Variants in PPM1B observed in about 807,000 individuals in gnomAD.
PPM1B encodes protein phosphatase, Mg2+/Mn2+ dependent 1B, also known as protein phosphatase 1B.
In PPM1B, 22 loss-of-function variants were observed where a neutral mutation model predicts 43.0. That is an observed-to-expected ratio of 0.51 (90% CI 0.37 to 0.73). The LOEUF is 0.73. PPM1B is among the 30% of genes least tolerant of loss of function. The pLI is 0.00. For missense variants in PPM1B, 632 were observed against 584.2 expected, an observed-to-expected ratio of 1.08 and a Z score of -0.84; for synonymous variants, 217 against 197.9, an observed-to-expected ratio of 1.10 and a Z score of -0.81.
At chr2:44,190,890 T>C (rs1484381653) in intron 1 of PPM1B, among the ~76,000 whole-genome samples, 1 of 152,240 alleles carries the variant, frequency 6.6e-6, no homozygotes, top group East Asian at 1.9e-4. Flanking sequence ...AAGATTTTAC[T>C]GAGACATGAA....
At chr2:44,193,338 A>G (rs1189769741) in intron 1 of PPM1B, among the ~76,000 whole-genome samples, 1 of 151,840 alleles carries the variant, frequency 6.6e-6, no homozygotes, top group Non-Finnish European at 1.5e-5. Flanking sequence ...TCACATATCT[A>G]TTGGCCATTT....
At chr2:44,243,600 C>T (rs768156090) in intron 5 of PPM1B, among the ~76,000 whole-genome samples, 1 of 152,098 alleles carries the variant, frequency 6.6e-6, no homozygotes, top group Non-Finnish European at 1.5e-5. Flanking sequence ...TCCCTTTATA[C>T]CAGCTGTTAC....
chr2:44,188,573 C>G (rs114071692), intron 1 of PPM1B, among the ~76,000 whole-genome samples: 3,059 of 151,694 alleles, frequency 0.02, 120 homozygotes, highest in African/African-American at 0.071. Context: ...ATTTTTTAAT[C>G]TTTCGTAGAG....
chr2:44,189,177 C>T (rs1418430050), intron 1 of PPM1B, among the ~76,000 whole-genome samples: 1 of 151,888 alleles, frequency 6.6e-6, no homozygotes, highest in Non-Finnish European at 1.5e-5. Flanking sequence ...CAGCCAGCTG[C>T]CTTTGTTTCT....
At position 44,190,078 on chromosome 2, in the gene PPM1B, T is replaced by A. The variant is rs1017316449; in HGVS notation, c.-14-11108T>A. 6.6e-5 allele frequency among the ~76,000 whole-genome samples: 10 copies of A among 152,212 alleles called. 1 individual carries two copies. The highest frequency in any genetic ancestry group is 3.3e-4 in the Admixed American group (5 of 15,266). ...AAGATTAAGCTACCATTGGGCATTG[T>A]GGACAGATCATTATTTGATACTAGT... On this transcript the variant is annotated intron_variant, in intron 1 of 5. Transcript: ENST00000282412.
intron 5 of PPM1B, among the ~76,000 whole-genome samples, chr2:44,229,382 G>C (rs1442169190): frequency 1.3e-5 from 2 of 151,884 alleles, no homozygotes; most frequent in Non-Finnish European, 2.9e-5. Flanking sequence ...TTGTTATTTT[G>C]AATCCCAGTC....
intron 1 of PPM1B, among the ~76,000 whole-genome samples, chr2:44,197,016 T>G (rs1466370689): frequency 6.6e-6 from 1 of 152,226 alleles, no homozygotes; most frequent in East Asian, 1.9e-4. Flanking sequence ...TTTTCATTTT[T>G]TAAATAAACT....
chr2:44,227,919 TTTC>T (rs1670291961), intron 5 of PPM1B, among the ~76,000 whole-genome samples: 1 of 111,590 alleles, frequency 9.0e-6, no homozygotes, highest in African/African-American at 2.9e-5. Context: ...TTCTTTTTCT[TTTC>T]TTTTTTTTTT....
chr2:44,204,654 C>T (rs937855753), intron 2 of PPM1B, among the ~76,000 whole-genome samples: 1 of 151,798 alleles, frequency 6.6e-6, no homozygotes, highest in Admixed American at 6.6e-5. Context: ...GTCAGGAGAT[C>T]GAGACCATCC....
intron 5 of PPM1B, among the ~76,000 whole-genome samples, chr2:44,241,855 A>ATTTTTTTT (rs1308907282): frequency 3.0e-5 from 1 of 32,840 alleles, no homozygotes. Flanking sequence ...TTAGAAAATA[A>ATTTTTTTT]TCTTTTTTTT....
At chr2:44,175,531 T>G (rs905570910) in intron 1 of PPM1B, among the ~76,000 whole-genome samples, 1 of 152,162 alleles carries the variant, frequency 6.6e-6, no homozygotes, top group African/African-American at 2.4e-5. Flanking sequence ...TCCTTGTCGT[T>G]GACGATCTTG....
intron 1 of PPM1B, among the ~76,000 whole-genome samples, chr2:44,169,950 T>C (rs900412125): frequency 6.6e-6 from 1 of 152,012 alleles, no homozygotes; most frequent in Non-Finnish European, 1.5e-5. Context: ...ATTAAGAGTA[T>C]AGACTGACTA....
chr2:44,186,851 AC>A (rs1232056221), intron 1 of PPM1B, among the ~76,000 whole-genome samples: 3 of 151,990 alleles, frequency 2.0e-5, no homozygotes, highest in Admixed American at 1.3e-4. Flanking sequence ...CTCTACTCTT[AC>A]CCCCAAAAGC....
chr2:44,170,637 A>G (rs1267420940), intron 1 of PPM1B, among the ~76,000 whole-genome samples: 2 of 152,176 alleles, frequency 1.3e-5, no homozygotes, highest in Non-Finnish European at 2.9e-5. Flanking sequence ...ATGTTATTTC[A>G]TTTACTTTCT....
exon 6 of PPM1B, chr2:44,244,351 G>C: frequency 5.9e-6 from 8 of 1,357,902 alleles, no homozygotes; most frequent in Non-Finnish European, 7.9e-6. Flanking sequence ...TTGTAAACCC[G>C]AACGAAAAAT....
chr2:44,170,092 T>C (rs566550060), intron 1 of PPM1B, among the ~76,000 whole-genome samples: 2 of 152,346 alleles, frequency 1.3e-5, no homozygotes, highest in South Asian at 4.1e-4. Flanking sequence ...GTGTTGGAAA[T>C]AGTTATTTCT....
intron 1 of PPM1B, among the ~76,000 whole-genome samples, chr2:44,185,441 A>T (rs955150336): frequency 2.6e-5 from 4 of 152,140 alleles, no homozygotes; most frequent in Non-Finnish European, 4.4e-5. Flanking sequence ...TTTTTTTCTC[A>T]GATTAAATTT....
chr2:44,180,126 G>C (rs919382597), intron 1 of PPM1B, among the ~76,000 whole-genome samples: 6 of 152,228 alleles, frequency 3.9e-5, no homozygotes, highest in Admixed American at 3.3e-4. Flanking sequence ...GCAATAATAG[G>C]GGTAGGAACA....
At position 44,201,820 on chromosome 2, in the gene PPM1B, C is replaced by T. The variant is rs144201644; in HGVS notation, c.621C>T (p.Tyr207=). ...CTCGTGCTCTGGGGGACTATGATTACAAGTGTGTTGATGGCAAGGGCCCAA... is the reference window on the plus strand; with the variant it reads ...CTCGTGCTCTGGGGGACTATGATTATAAGTGTGTTGATGGCAAGGGCCCAA... The part of the protein sequence containing the change: ...AVSRALGDYD[Y]KCVDGKGPTE... Residue 207 remains tyrosine (Y), a synonymous_variant, in exon 2 of 6, where the codon TAC becomes TAT. Transcript: ENST00000282412. This position sits in a 1 kb window ranked among gnomAD's most constrained non-coding sequence, Gnocchi z 5.4. 49 of 1,614,060 alleles carry T rather than the reference C, an allele frequency of 3.0e-5. No individual in the cohort carries two copies. The highest frequency in any genetic ancestry group is 3.8e-5 in the Non-Finnish European group (45 of 1,180,048).
Sources: gnomAD v4.1 joint callset for allele counts (sites outside exome capture counted in the v4.1 genomes callset) on GRCh38, gnomAD v4.1.1 for gene constraint, Gnocchi (gnomAD v3.1) non-coding constraint, MANE v1.5 for transcripts, NCBI Gene and HGNC (gene_info 2026-07-23, HGNC 2026-07-21) for gene names.